Variants in TEN1 observed in about 807,000 individuals in gnomAD.
TEN1 encodes the protein CST complex subunit TEN1.
A neutral mutation model predicts 9.3 loss-of-function variants in TEN1; 6 were observed. That is an observed-to-expected ratio of 0.65 (90% CI 0.35 to 1.27). The LOEUF (loss-of-function observed/expected upper bound fraction) is 1.27. Ranked by LOEUF, TEN1 falls within the 50% of genes most tolerant of loss-of-function variation. TEN1 has a pLI of 0.03. For synonymous variants in TEN1, 65 were observed against 65.6 expected, an observed-to-expected ratio of 0.99 and a Z score of 0.04; for missense variants, 149 against 158.2, an observed-to-expected ratio of 0.94 and a Z score of 0.31.
intron 3 of TEN1, among the ~76,000 whole-genome samples, chr17:75,992,959 G>T (rs969011260): frequency 7.4e-6 from 1 of 134,968 alleles, no homozygotes; most frequent in Non-Finnish European, 1.6e-5. Context: ...CTTACTGCTG[G>T]TTTTTTTTTT....
intron 2 of TEN1, among the ~76,000 whole-genome samples, chr17:75,987,181 G>A (rs2066157289): frequency 7.2e-6 from 1 of 139,466 alleles, no homozygotes; most frequent in South Asian, 2.1e-4. Context: ...GAATTTGGGA[G>A]TGGTTTAACT....
chr17:75,986,100 T>C (rs2066150611), intron 1 of TEN1, 87 bp from the exon 2 acceptor site: 5 of 1,053,312 alleles, frequency 4.7e-6, no homozygotes, highest in Non-Finnish European at 5.4e-6. Context: ...AAGATGCTGT[T>C]GGTCTCATAT....
chr17:75,990,949 A>G (rs935953146), intron 2 of TEN1, among the ~76,000 whole-genome samples: 1 of 151,950 alleles, frequency 6.6e-6, no homozygotes, highest in Non-Finnish European at 1.5e-5. Flanking sequence ...CAGGAGTTGG[A>G]GACCAGCCTG....
chr17:75,992,100 G>C (rs1275218519), intron 3 of TEN1, among the ~76,000 whole-genome samples: 1 of 151,944 alleles, frequency 6.6e-6, no homozygotes, highest in African/African-American at 2.4e-5. Flanking sequence ...ATCCCCCATG[G>C]GGAAGTGAGA....
intron 3 of TEN1, among the ~76,000 whole-genome samples, chr17:75,992,098 TG>T (rs1053711992): frequency 6.8e-6 from 1 of 146,194 alleles, no homozygotes; most frequent in Non-Finnish European, 1.5e-5. Flanking sequence ...CAATCCCCCA[TG>T]GGGAAGTGAG....
At chr17:75,983,725 G>A (rs2066136303) in intron 1 of TEN1, among the ~76,000 whole-genome samples, 1 of 152,114 alleles carries the variant, frequency 6.6e-6, no homozygotes, top group South Asian at 2.1e-4. Context: ...AAGGGGTGGT[G>A]GCAGCTAGGC....
intron 1 of TEN1, among the ~76,000 whole-genome samples, chr17:75,985,877 T>A (rs933052532): frequency 9.6e-5 from 5 of 51,842 alleles, no homozygotes; most frequent in East Asian, 5.0e-4. Context: ...ATCAAAAAAA[T>A]TTTTTCTTTT....
chr17:75,985,137 T>TA (rs2066144170), intron 1 of TEN1: 1 of 152,184 alleles, frequency 6.6e-6, no homozygotes, highest in South Asian at 2.1e-4. Context: ...CATAGCTTTT[T>TA]AAATATTGTT....
Position 75,995,973 on chromosome 17 carries a change from T to G in TEN1, c.251-4168T>G, listed in dbSNP as rs1452471769. The stretch of plus-strand genomic sequence containing the variant: ...GGGGTGTGGTGGCTTGTGCTTGTAG[T>G]CCCAGCTACTTGGGAGGCTGAGGCA... On this transcript the variant is annotated intron_variant, in intron 3 of 3. Coordinates refer to ENST00000397640, the MANE Select transcript of TEN1 (RefSeq NM_001113324.3). 7.2e-5 allele frequency among the ~76,000 whole-genome samples: 11 copies of G among 152,196 alleles called. No individual in the cohort carries two copies. The South Asian group carries it at 2.1e-3, about 29-fold the overall frequency.
At chr17:75,993,756 G>A (rs377643846) in intron 3 of TEN1, among the ~76,000 whole-genome samples, 11 of 152,240 alleles carry the variant, frequency 7.2e-5, no homozygotes, top group African/African-American at 2.6e-4. Context: ...CAGCACTTTG[G>A]GAGGCCGAGG....
intron 2 of TEN1, 79 bp downstream of exon 2, chr17:75,986,363 A>G: frequency 7.9e-7 from 1 of 1,270,204 alleles, no homozygotes; most frequent in Non-Finnish European, 1.1e-6. Flanking sequence ...AGACATAATT[A>G]GAAAAGATTT....
At chr17:75,987,676 G>A (rs568018360) in intron 2 of TEN1, among the ~76,000 whole-genome samples, 25 of 152,022 alleles carry the variant, frequency 1.6e-4, no homozygotes, top group Non-Finnish European at 3.7e-4. Context: ...CAGCACTTTG[G>A]GAGGCCGAGG....
chr17:76,000,294 T>C lies in TEN1; in HGVS notation c.*32T>C. The C allele has an allele frequency of 6.5e-7, 1 of 1,543,482 alleles. No individual in the cohort carries two copies. Among genetic ancestry groups the C allele is most frequent in the Non-Finnish European group, 8.8e-7 (1 of 1,142,318 alleles). ...GCAGCCTAGCAACACCCTCACCTGC[T>C]TCAGAGCCCGAACCCTCTGGAGCTG... On this transcript the variant is annotated 3_prime_UTR_variant, in exon 4 of 4. Coordinates refer to ENST00000397640, the MANE Select transcript of TEN1 (RefSeq NM_001113324.3). This position sits in a 1 kb window ranked among gnomAD's most constrained non-coding sequence, Gnocchi z 5.9.
chr17:76,000,473 A>C lies in TEN1; in HGVS notation c.*211A>C. 1 of 701,346 alleles carries C rather than the reference A, an allele frequency of 1.4e-6. No individual in the cohort carries two copies. The highest frequency in any genetic ancestry group is 2.3e-5 in the South Asian group (1 of 44,188). The allele number at this position is 701,346 out of a possible 1,614,324, so 43.4% of individuals were successfully genotyped here. On this transcript the variant is annotated 3_prime_UTR_variant, in exon 4 of 4. Coordinates refer to ENST00000397640, the MANE Select transcript of TEN1 (RefSeq NM_001113324.3). The surrounding 1 kb of genome is among the most constrained non-coding windows in gnomAD (Gnocchi z 5.9). The stretch of plus-strand genomic sequence containing the variant: ...AGCATGCCATAAATCCGACAGCCCC[A>C]CCCCAGGAGACTGCAGGTGGCCGAG...
rs571404925 is a variant in TEN1, at chr17:75,981,272, C to T, written c.-7+1761C>T. ...CATGATTTCAGCTCACTGCAACCTC[C>T]GCCTCCTGGGTTCAAATGATTCTCA... is the stretch of plus-strand genomic sequence containing the variant. On this transcript the variant is annotated intron_variant, in intron 1 of 3. Coordinates refer to ENST00000397640, the MANE Select transcript of TEN1 (RefSeq NM_001113324.3). Among the ~76,000 whole-genome samples the T allele has an allele frequency of 1.2e-4, 18 of 152,014 alleles. No homozygotes were observed. The South Asian group carries it at 3.3e-3, about 28-fold the overall frequency.
chr17:75,984,378 TCTA>T (rs1312056905), intron 1 of TEN1, among the ~76,000 whole-genome samples: 2 of 152,302 alleles, frequency 1.3e-5, no homozygotes, highest in East Asian at 3.9e-4. Context: ...TGTCTCTTGT[TCTA>T]CTTTTTCATT....
chr17:75,996,780 A>AAGGG (rs2066220877), intron 3 of TEN1, among the ~76,000 whole-genome samples: 1 of 151,612 alleles, frequency 6.6e-6, no homozygotes, highest in Admixed American at 6.6e-5. Flanking sequence ...AGAGAAGAGA[A>AAGGG]AGGGAGGGAG....
chr17:76,000,410 C>G lies in TEN1; in HGVS notation c.*148C>G. 8.3e-7 allele frequency: 1 copy of G among 1,199,944 alleles called. No homozygotes were observed. The highest frequency in any genetic ancestry group is 1.1e-6 in the Non-Finnish European group (1 of 888,746). 74.3% of individuals were successfully genotyped at this position (1,199,944 alleles called of 1,614,324 possible). ...GGCGGGTGATGAATCCAGCCCCTTCCCCTACTTTGGGATTGGCTCAGCAAT... is the reference window on the plus strand; with the variant it reads ...GGCGGGTGATGAATCCAGCCCCTTCGCCTACTTTGGGATTGGCTCAGCAAT... On this transcript the variant is annotated 3_prime_UTR_variant, in exon 4 of 4. Transcript: ENST00000397640. This position sits in a 1 kb window ranked among gnomAD's most constrained non-coding sequence, Gnocchi z 5.9.
intron 3 of TEN1, among the ~76,000 whole-genome samples, chr17:75,992,227 AT>A (rs34796182): frequency 1.6e-3 from 243 of 148,296 alleles, no homozygotes; most frequent in Non-Finnish European, 2.9e-3. Flanking sequence ...AGTCTTAAAA[AT>A]TTTTTTTTTT....
Sources: gnomAD v4.1 joint callset for allele counts (sites outside exome capture counted in the v4.1 genomes callset) on GRCh38, gnomAD v4.1.1 for gene constraint, Gnocchi (gnomAD v3.1) non-coding constraint, MANE v1.5 for transcripts, NCBI Gene and HGNC (gene_info 2026-07-23, HGNC 2026-07-21) for gene names.